The following SEMA6A variants were observed in gnomAD, a reference collection of about 807,000 sequenced individuals.
The protein encoded by SEMA6A is semaphorin-6A.
In SEMA6A, 25 loss-of-function variants were observed where a neutral mutation model predicts 96.8. That is an observed-to-expected ratio of 0.26 (90% CI 0.19 to 0.36). The LOEUF (loss-of-function observed/expected upper bound fraction) is 0.36, where lower values mean the gene tolerates loss of function less well. Ranked by LOEUF, SEMA6A falls within the 10% of genes least tolerant of loss-of-function variation. The pLI is 1.00. For missense variants in SEMA6A, 1,363 were observed against 1,323.1 expected (o/e 1.03, Z -0.47); for synonymous variants, 612 against 518.0 (o/e 1.18, Z -2.46).
In SEMA6A at chr5:116,565,406, G is replaced by A. The variant is rs1760984377; in HGVS notation, c.-39+8779C>T. On this transcript the variant is annotated intron_variant, in intron 1 of 18. Coordinates refer to ENST00000343348, the MANE Select transcript of SEMA6A (RefSeq NM_020796.5). ...GAAACTATGGCAACCGAATAAGAAA[G>A]CAGCCTCCATGATTAACAGATGAAG... 2.0e-5 allele frequency among the ~76,000 whole-genome samples: 3 copies of A among 152,186 alleles called. No homozygotes were observed. In the South Asian group the frequency reaches 6.2e-4, roughly 32 times the overall value.
At chr5:116,561,813 C>G (rs1421815090) in intron 1 of SEMA6A, among the ~76,000 whole-genome samples, 1 of 152,176 alleles carries the variant, frequency 6.6e-6, no homozygotes, top group Non-Finnish European at 1.5e-5. Context: ...AAAACGAAAG[C>G]ATCACCCTCG....
chr5:116,456,518 T>A (rs1580373377), intron 18 of SEMA6A, among the ~76,000 whole-genome samples: 2 of 152,338 alleles, frequency 1.3e-5, no homozygotes, highest in Non-Finnish European at 2.9e-5. Flanking sequence ...AAGCATGGCA[T>A]ATAGCTCAAA....
At chr5:116,552,541 C>T (rs1013333234) in intron 1 of SEMA6A, among the ~76,000 whole-genome samples, 6 of 152,150 alleles carry the variant, frequency 3.9e-5, no homozygotes, top group African/African-American at 7.2e-5. Flanking sequence ...AAGGGACGCT[C>T]TTCTCCATCC....
intron 6 of SEMA6A, among the ~76,000 whole-genome samples, chr5:116,492,762 C>T (rs1757390369): frequency 1.3e-5 from 2 of 152,174 alleles, no homozygotes; most frequent in Non-Finnish European, 2.9e-5. Flanking sequence ...CACTCTCTTG[C>T]TTCATGTCAC....
intron 15 of SEMA6A, among the ~76,000 whole-genome samples, chr5:116,476,688 G>C (rs899406575): frequency 1.6e-4 from 25 of 152,108 alleles, no homozygotes; most frequent in African/African-American, 6.0e-4. Flanking sequence ...TATAGCCTTC[G>C]GTCACATGTT....
At chr5:116,475,717 G>T in intron 15 of SEMA6A, 114 bp from the exon 16 acceptor site, 1 of 654,062 alleles carries the variant, frequency 1.5e-6, no homozygotes. Flanking sequence ...TGAGTGGCAG[G>T]TGCAAAAAAG....
intron 11 of SEMA6A, among the ~76,000 whole-genome samples, chr5:116,480,619 C>T (rs1357612760): frequency 6.6e-6 from 1 of 151,978 alleles, no homozygotes; most frequent in Non-Finnish European, 1.5e-5. Flanking sequence ...TTTTACTTAT[C>T]CAAAAAGGCT....
intron 1 of SEMA6A, among the ~76,000 whole-genome samples, chr5:116,524,797 C>CAG (rs1759144129): frequency 6.6e-6 from 1 of 151,666 alleles, no homozygotes; most frequent in African/African-American, 2.4e-5. Context: ...CAGACACACA[C>CAG]ACACACACAA....
At chr5:116,516,448 C>A (rs953105724) in intron 1 of SEMA6A, among the ~76,000 whole-genome samples, 1 of 150,948 alleles carries the variant, frequency 6.6e-6, no homozygotes, top group Non-Finnish European at 1.5e-5. Flanking sequence ...AACTGCAAAC[C>A]CACACATTTT....
At chr5:116,487,059 C>T in intron 9 of SEMA6A, 93 bp from the exon 10 acceptor site, 1 of 795,638 alleles carries the variant, frequency 1.3e-6, no homozygotes, top group Non-Finnish European at 2.1e-6. Context: ...AGAAACAAAA[C>T]AACAAGGTGC....
chr5:116,449,511 C>G (rs1754493253), intron 18 of SEMA6A: 1 of 564,884 alleles, frequency 1.8e-6, no homozygotes, highest in Admixed American at 3.3e-5. Context: ...CAGCCGAGAC[C>G]TTGAAGCTTT....
At chr5:116,527,528 T>C (rs1759282384) in intron 1 of SEMA6A, among the ~76,000 whole-genome samples, 1 of 152,106 alleles carries the variant, frequency 6.6e-6, no homozygotes, top group Admixed American at 6.6e-5. Context: ...AAGTTGAAAG[T>C]ATAAGGGAGG....
Position 116,446,710 on chromosome 5 carries a change from C to A in SEMA6A, c.2996G>T (p.Gly999Val), listed in dbSNP as rs1754232878. 6.3e-7 allele frequency: 1 copy of A among 1,595,108 alleles called. No individual in the cohort carries two copies. The highest frequency in any genetic ancestry group is 1.1e-5 in the South Asian group (1 of 88,158). ...LNAYNSLTRS[G>V]LKRTPSLKPD... ...CTTTAGCGAGGGCGTACGCTTCAGC[C>A]CCGACCTTGTCAGTGAGTTGTAGGC... Residue 999 changes from glycine (G) to valine (V), a missense_variant, in exon 19 of 19, where the codon GGG becomes GTG. By Grantham distance (109) the Gly-to-Val change is moderately radical. Around this residue, in one of 2 missense-constraint regions of SEMA6A, gnomAD observed 883 missense variants for 763.6 expected, o/e 1.16. Coordinates refer to ENST00000343348, the MANE Select transcript of SEMA6A (RefSeq NM_020796.5).
In SEMA6A at chr5:116,471,398, A is replaced by C. The variant is rs181453692; in HGVS notation, c.1729+1675T>G. The stretch of plus-strand genomic sequence containing the variant: ...GTTAAAATTGGTCTTGGTATGATTG[A>C]TGAATGCTGGGGAGGTTGCTGGTTC... On this transcript the variant is annotated intron_variant, in intron 17 of 18. Coordinates refer to ENST00000343348, the MANE Select transcript of SEMA6A (RefSeq NM_020796.5). 5 of 152,318 alleles carry C rather than the reference A, an allele frequency of 3.3e-5. No homozygotes were observed. In the East Asian group the frequency reaches 7.7e-4, roughly 24 times the overall value. 9.4% of individuals were successfully genotyped at this position (152,318 alleles called of 1,614,324 possible).
intron 1 of SEMA6A, among the ~76,000 whole-genome samples, chr5:116,544,467 TA>T (rs200699084): frequency 0.021 from 3,243 of 151,786 alleles, 101 homozygotes; most frequent in African/African-American, 0.075. Context: ...AATTTTTGAA[TA>T]TTTTTTTTTT....
At chr5:116,476,581 A>C (rs1439154145) in intron 15 of SEMA6A, among the ~76,000 whole-genome samples, 2 of 152,240 alleles carry the variant, frequency 1.3e-5, no homozygotes, top group Non-Finnish European at 2.9e-5. Flanking sequence ...CCATGTTTTA[A>C]GCAATGCCAG....
chr5:116,528,793 G>A (rs1759339957), intron 1 of SEMA6A, among the ~76,000 whole-genome samples: 1 of 152,104 alleles, frequency 6.6e-6, no homozygotes, highest in African/African-American at 2.4e-5. Flanking sequence ...GTATTGTGGG[G>A]GACTGCTGTG....
At position 116,467,733 on chromosome 5, in the gene SEMA6A, G is replaced by C; in HGVS notation, c.1744C>G (p.Leu582Val). 6.2e-7 allele frequency: 1 copy of C among 1,613,742 alleles called. No individual in the cohort carries two copies. The highest frequency in any genetic ancestry group is 8.5e-7 in the Non-Finnish European group (1 of 1,179,812). The change falls in exon 18 of 19, where the codon CTC (leucine) becomes GTC (valine). Residue 582 changes from leucine (L) to valine (V), a missense_variant. By Grantham distance (32) the Leu-to-Val change is conservative (BLOSUM62 1). Around this residue, in one of 2 missense-constraint regions of SEMA6A, gnomAD observed 883 missense variants for 763.6 expected, o/e 1.16. Transcript: ENST00000343348. The part of the protein sequence containing the change: ...FVALNGHSSS[L>V]LPSTTTSDST... ...TCTGATGTGGTTGTGCTGGGCAAGA[G>C]GGAACTGGAATGCCCTGTTTTCATC...
rs545495090 is a variant in SEMA6A at position 116,541,326 on chromosome 5, A to C, written c.-39+32859T>G. On this transcript the variant is annotated intron_variant, in intron 1 of 18. Transcript: ENST00000343348. ...AGAAACCCTAGAGGTAAGAGGGGTA[A>C]GAATCACCAAAATTCTTATTTATTT... Among the ~76,000 whole-genome samples the C allele has an allele frequency of 3.9e-4, 60 of 152,336 alleles. 1 individual carries two copies. The South Asian group carries it at 0.012, about 29-fold the overall frequency.
Sources: gnomAD v4.1 joint callset for allele counts (sites outside exome capture counted in the v4.1 genomes callset) on GRCh38, gnomAD v4.1.1 for gene constraint, gnomAD v4.1.1 regional missense constraint, MANE v1.5 for transcripts, NCBI Gene and HGNC (gene_info 2026-07-23, HGNC 2026-07-21) for gene names.